The following ZPBP variants were observed in gnomAD, a reference collection of about 807,000 sequenced individuals.
ZPBP encodes the protein zona pellucida binding protein.
Under a neutral mutation model 44.8 loss-of-function variants are expected in ZPBP, and 26 were observed. The observed-to-expected ratio is 0.58, with a 90% CI of 0.43 to 0.81. The LOEUF is 0.81. Among genes scored for constraint, ZPBP ranks in the 30% least tolerant of loss-of-function variants. The pLI is 0.00. For missense variants in ZPBP, 409 were observed against 434.0 expected (o/e 0.94, Z 0.51); for synonymous variants, 174 against 153.2 (o/e 1.14, Z -1.00).
intron 4 of ZPBP, among the ~76,000 whole-genome samples, chr7:50,032,686 C>T (rs960869171): frequency 2.6e-5 from 4 of 152,294 alleles, no homozygotes; most frequent in African/African-American, 9.6e-5. Context: ...TCTTCTTAAC[C>T]GATGCACTGA....
At chr7:50,031,007 A>T (rs1799581373) in intron 5 of ZPBP, 85 bp downstream of exon 5, 1 of 1,162,284 alleles carries the variant, frequency 8.6e-7, no homozygotes, top group African/African-American at 1.5e-5. Flanking sequence ...TTTATATCAT[A>T]AAAATGCTGT....
chr7:49,939,798 A>C (rs2128752715), intron 7 of ZPBP, among the ~76,000 whole-genome samples: 1 of 152,306 alleles, frequency 6.6e-6, no homozygotes, highest in East Asian at 1.9e-4. Flanking sequence ...AAAGAGAAGT[A>C]GGCATTCATA....
At chr7:49,897,119 T>G (rs1583780661) in intron 2 of ZPBP, among the ~76,000 whole-genome samples, 1 of 151,836 alleles carries the variant, frequency 6.6e-6, no homozygotes, top group South Asian at 2.1e-4. Context: ...ATGGTCTCGA[T>G]CTCCTGACCT....
chr7:49,916,289 C>T (rs1321306884), intron 1 of ZPBP: 1 of 152,140 alleles, frequency 6.6e-6, no homozygotes, highest in Admixed American at 6.5e-5. Context: ...ACACCATGAC[C>T]CAGGCCCCTG....
At chr7:49,847,930 G>C (rs1001556841), downstream of ZPBP, among the ~76,000 whole-genome samples, 1 of 152,132 alleles carries the variant, frequency 6.6e-6, no homozygotes, top group Admixed American at 6.5e-5. Flanking sequence ...TCCTGGAATG[G>C]GTTAGCACTG....
intron 2 of ZPBP, among the ~76,000 whole-genome samples, chr7:49,884,719 CTCAAG>C (rs1791821334): frequency 1.3e-5 from 2 of 152,084 alleles, no homozygotes; most frequent in South Asian, 2.1e-4. Context: ...ACAGCCCAAA[CTCAAG>C]TCAAGTTTTA....
At chr7:50,083,226 A>C (rs1802461325) in intron 2 of ZPBP, among the ~76,000 whole-genome samples, 1 of 151,932 alleles carries the variant, frequency 6.6e-6, no homozygotes. Flanking sequence ...ATACAAAAAC[A>C]AATAATATTC....
chr7:49,852,434 G>A (rs905336810), intron 2 of ZPBP, among the ~76,000 whole-genome samples: 3 of 152,192 alleles, frequency 2.0e-5, no homozygotes, highest in African/African-American at 4.8e-5. Context: ...TTTTGCACTT[G>A]CTAGAAATCT....
chr7:49,912,222 A>C, intron 1 of ZPBP: 1 of 1,611,270 alleles, frequency 6.2e-7, no homozygotes, highest in East Asian at 2.2e-5. Flanking sequence ...TTTTTCTAGA[A>C]CATTTTACTG....
At chr7:49,969,164 A>G (rs1351672334) in intron 7 of ZPBP, among the ~76,000 whole-genome samples, 1 of 149,234 alleles carries the variant, frequency 6.7e-6, no homozygotes. Context: ...ACATATTTTT[A>G]TACATACATA....
intron 6 of ZPBP, among the ~76,000 whole-genome samples, chr7:49,990,827 G>A (rs570733231): frequency 2.0e-5 from 3 of 152,142 alleles, no homozygotes; most frequent in Non-Finnish European, 4.4e-5. Flanking sequence ...ATATGTTCTA[G>A]ATTGGTCTAA....
At chr7:49,916,115 T>G (rs111433387) in intron 1 of ZPBP, 1 of 152,226 alleles carries the variant, frequency 6.6e-6, no homozygotes, top group Non-Finnish European at 1.5e-5. Context: ...AGCCTACTTA[T>G]GTCATATCCT....
chr7:49,971,888 T>C (rs1039768263), intron 7 of ZPBP, among the ~76,000 whole-genome samples: 5 of 151,886 alleles, frequency 3.3e-5, no homozygotes, highest in African/African-American at 4.8e-5. Context: ...TAAAGGACTA[T>C]ATACAATGAC....
chr7:49,862,764 A>G (rs1790709976), intron 2 of ZPBP, among the ~76,000 whole-genome samples: 1 of 148,106 alleles, frequency 6.8e-6, no homozygotes, highest in South Asian at 2.1e-4. Context: ...AATGTGTTGT[A>G]TTATGTCCAT....
At chr7:50,078,142 G>C (rs1486890492) in intron 3 of ZPBP, among the ~76,000 whole-genome samples, 1 of 151,682 alleles carries the variant, frequency 6.6e-6, no homozygotes, top group Non-Finnish European at 1.5e-5. Context: ...GCAGTCATAA[G>C]AAGACAAACA....
At chr7:49,957,419 G>C (rs1204226708) in intron 7 of ZPBP, among the ~76,000 whole-genome samples, 1 of 152,138 alleles carries the variant, frequency 6.6e-6, no homozygotes, top group Non-Finnish European at 1.5e-5. Flanking sequence ...GAGGCCTAGT[G>C]GGCCCTCAGG....
downstream of ZPBP, chr7:49,936,112 T>G (rs1794612599): frequency 6.6e-6 from 1 of 152,248 alleles, no homozygotes; most frequent in South Asian, 2.1e-4. Context: ...ATTACACTGC[T>G]TTTAGAGATG....
At chr7:49,957,116 C>T (rs1276518194) in intron 7 of ZPBP, among the ~76,000 whole-genome samples, 1 of 152,176 alleles carries the variant, frequency 6.6e-6, no homozygotes, top group Non-Finnish European at 1.5e-5. Flanking sequence ...CTCACGCCCT[C>T]TCTTTGCACT....
chr7:49,989,981 G>A (rs1397045750), intron 6 of ZPBP, among the ~76,000 whole-genome samples: 1 of 152,148 alleles, frequency 6.6e-6, no homozygotes, highest in Admixed American at 6.5e-5. Context: ...TGTTGGAAGA[G>A]GACTCAATTT....
Sources: gnomAD v4.1 joint callset for allele counts (sites outside exome capture counted in the v4.1 genomes callset) on GRCh38, gnomAD v4.1.1 for gene constraint, MANE v1.5 for transcripts, NCBI Gene and HGNC (gene_info 2026-07-23, HGNC 2026-07-21) for gene names.